Variants in ACTR3C observed in about 807,000 individuals in gnomAD.
ACTR3C encodes the protein actin-related protein 3C.
A neutral mutation model predicts 26.3 loss-of-function variants in ACTR3C; 18 were observed. That is an observed-to-expected ratio of 0.68 (90% CI 0.47 to 1.01). ACTR3C has a LOEUF of 1.01. ACTR3C is among the 50% of genes least tolerant of loss of function. The pLI is 0.00. For synonymous variants in ACTR3C, 55 were observed against 94.5 expected (o/e 0.58, Z 2.42); for missense variants, 184 against 250.7 (o/e 0.73, Z 1.80).
the ACTR3C span, among the ~76,000 whole-genome samples, chr7:150,003,894 G>GGTGTGT: frequency 1.5e-4 from 9 of 58,082 alleles, no homozygotes; most frequent in Admixed American, 3.1e-4. Flanking sequence ...GGGTGTGTGT[G>GGTGTGT]GTGTGTGTGT....
chr7:150,277,675 C>G (rs1834989061), intron 6 of ACTR3C, among the ~76,000 whole-genome samples: 1 of 152,068 alleles, frequency 6.6e-6, no homozygotes, highest in African/African-American at 2.4e-5. Context: ...CCTAGATAAG[C>G]AGCAAGAACC....
chr7:150,024,378 T>C, the ACTR3C span, among the ~76,000 whole-genome samples: 1 of 151,880 alleles, frequency 6.6e-6, no homozygotes, highest in Non-Finnish European at 1.5e-5. Context: ...TCACAGTTGC[T>C]GGCAGGGACT....
At chr7:150,064,644 T>TCACA in the ACTR3C span, among the ~76,000 whole-genome samples, 851 of 99,470 alleles carry the variant, frequency 8.6e-3, 5 homozygotes, top group Middle Eastern at 0.031. Flanking sequence ...TTGTTTATTT[T>TCACA]CACATACACA....
chr7:150,037,083 G>A, the ACTR3C span, among the ~76,000 whole-genome samples: 1 of 24,588 alleles, frequency 4.1e-5, no homozygotes, highest in South Asian at 1.6e-3. Context: ...CCTCCCCCTC[G>A]TGCGATGGGG....
chr7:150,237,205 G>A, the ACTR3C span, among the ~76,000 whole-genome samples: 10 of 152,134 alleles, frequency 6.6e-5, no homozygotes, highest in Non-Finnish European at 1.0e-4. Flanking sequence ...CATTGCCACC[G>A]TCTTTCCCAT....
At chr7:150,273,926 A>C (rs376559310) in intron 6 of ACTR3C, among the ~76,000 whole-genome samples, 5,144 of 151,216 alleles carry the variant, frequency 0.034, 10 homozygotes, top group Middle Eastern at 0.082. Flanking sequence ...CCTGCCGTGC[A>C]TCTCGTTCAC....
At chr7:150,221,998 C>CAAAAAAAAAAAAAAAAAAAAAAAAAAA in the ACTR3C span, among the ~76,000 whole-genome samples, 5 of 79,796 alleles carry the variant, frequency 6.3e-5, no homozygotes, top group African/African-American at 3.4e-4. Context: ...ACTCCGTCTC[C>CAAAAAAAAAAAAAAAAAAAAAAAAAAA]AAAAAAAAAA....
chr7:149,899,055 C>G, the ACTR3C span, among the ~76,000 whole-genome samples: 1 of 151,840 alleles, frequency 6.6e-6, no homozygotes, highest in Non-Finnish European at 1.5e-5. Context: ...AGGAGAACCT[C>G]AACTTTGACC....
the ACTR3C span, among the ~76,000 whole-genome samples, chr7:150,019,331 T>C: frequency 6.7e-6 from 1 of 150,078 alleles, no homozygotes; most frequent in Non-Finnish European, 1.5e-5. Context: ...CAGTAGCTCA[T>C]GCCTGTAATC....
At chr7:150,220,447 G>C in the ACTR3C span, among the ~76,000 whole-genome samples, 3 of 147,480 alleles carry the variant, frequency 2.0e-5, no homozygotes, top group African/African-American at 7.9e-5. Context: ...CGCGAGGGGA[G>C]CCTCCACGCT....
chr7:149,911,223 TA>T, the ACTR3C span, among the ~76,000 whole-genome samples: 1 of 151,634 alleles, frequency 6.6e-6, no homozygotes, highest in African/African-American at 2.4e-5. Flanking sequence ...ATAAGTGAAT[TA>T]CTAACCCAAG....
chr7:150,058,366 G>A, the ACTR3C span, among the ~76,000 whole-genome samples: 5 of 152,124 alleles, frequency 3.3e-5, no homozygotes, highest in African/African-American at 4.8e-5. Flanking sequence ...GGTTGCCCCC[G>A]TGCTGCACCC....
At chr7:150,066,973 TC>T in the ACTR3C span, among the ~76,000 whole-genome samples, 27 of 152,338 alleles carry the variant, frequency 1.8e-4, no homozygotes, top group Admixed American at 7.8e-4. Context: ...AGGGTCCTCT[TC>T]TTTTCTAGAA....
the ACTR3C span, among the ~76,000 whole-genome samples, chr7:149,977,992 GAC>G: frequency 1.5e-3 from 221 of 151,336 alleles, no homozygotes; most frequent in African/African-American, 5.0e-3. Flanking sequence ...ATGACGACCT[GAC>G]ACAGACAGCC....
chr7:149,919,710 TC>T, the ACTR3C span, among the ~76,000 whole-genome samples: 4 of 152,218 alleles, frequency 2.6e-5, no homozygotes, highest in Non-Finnish European at 5.9e-5. Context: ...TTTGTACTAT[TC>T]CTTGTTGTTG....
At chr7:150,037,810 A>T in the ACTR3C span, among the ~76,000 whole-genome samples, 27 of 44,762 alleles carry the variant, frequency 6.0e-4, 2 homozygotes, top group African/African-American at 8.6e-4. Flanking sequence ...CAGCGGGGGA[A>T]GAGGGACTGG....
intron 5 of ACTR3C, 93 bp downstream of exon 5, chr7:150,286,274 A>G (rs1397648968): frequency 1.3e-5 from 19 of 1,421,540 alleles, no homozygotes; most frequent in Non-Finnish European, 1.7e-5. Context: ...CACCCTGCTC[A>G]CAGGCCCTTC....
the ACTR3C span, among the ~76,000 whole-genome samples, chr7:150,158,648 A>G: frequency 3.3e-5 from 5 of 152,254 alleles, no homozygotes; most frequent in South Asian, 1.0e-3. Context: ...AGAGTAGAAC[A>G]TCAGTTGAGG....
the ACTR3C span, among the ~76,000 whole-genome samples, chr7:149,948,619 C>T: frequency 2.0e-5 from 3 of 151,536 alleles, no homozygotes; most frequent in African/African-American, 7.4e-5. Flanking sequence ...CCCCATGGTC[C>T]CTCACCGTCC....
Sources: allele counts gnomAD v4.1 joint callset (sites outside exome capture counted in the v4.1 genomes callset), GRCh38; gene constraint gnomAD v4.1.1; transcripts MANE v1.5; gene names NCBI Gene and HGNC (gene_info 2026-07-23, HGNC 2026-07-21).